The following CXCL13 variants were observed in gnomAD, a reference collection of about 807,000 sequenced individuals.
The protein encoded by CXCL13 is C-X-C motif chemokine ligand 13.
Under a neutral mutation model 12.2 loss-of-function variants are expected in CXCL13, and 7 were observed. That is an observed-to-expected ratio of 0.57 (90% CI 0.33 to 1.07). The LOEUF is 1.07. CXCL13 is among the 50% of genes least tolerant of loss of function. The pLI, the probability that CXCL13 is intolerant of heterozygous loss-of-function variation, is 0.04. For synonymous variants in CXCL13, 47 were observed against 42.4 expected (o/e 1.11, Z -0.42); for missense variants, 113 against 127.4 (o/e 0.89, Z 0.55).
intron 1 of CXCL13, among the ~76,000 whole-genome samples, chr4:77,529,248 A>T (rs1724845989): frequency 1.3e-5 from 2 of 152,068 alleles, no homozygotes; most frequent in African/African-American, 2.4e-5. Context: ...CTTAGGATTG[A>T]CTTGGCAATG....
At chr4:77,522,316 T>A (rs1462297220) in intron 1 of CXCL13, among the ~76,000 whole-genome samples, 4 of 151,972 alleles carry the variant, frequency 2.6e-5, no homozygotes, top group Non-Finnish European at 5.9e-5. Context: ...TTTGTGGGAG[T>A]CTAAGTCTCT....
intron 1 of CXCL13, among the ~76,000 whole-genome samples, chr4:77,519,851 T>G (rs1050616352): frequency 3.3e-5 from 5 of 152,236 alleles, no homozygotes; most frequent in African/African-American, 1.2e-4. Flanking sequence ...ATTTTAGGTC[T>G]AACATTTAAG....
chr4:77,527,902 T>C (rs961228033), intron 1 of CXCL13, among the ~76,000 whole-genome samples: 1 of 152,288 alleles, frequency 6.6e-6, no homozygotes, highest in Non-Finnish European at 1.5e-5. Flanking sequence ...TAACATTAGG[T>C]ATATCTCCTA....
intron 1 of CXCL13, among the ~76,000 whole-genome samples, chr4:77,522,513 G>C (rs1242372194): frequency 4.3e-5 from 1 of 23,376 alleles, no homozygotes; most frequent in Non-Finnish European, 8.0e-5. Context: ...TGCAACCCCT[G>C]CTTTTTTTTT....
At chr4:77,554,414 T>C (rs918754722) in intron 1 of CXCL13, among the ~76,000 whole-genome samples, 2 of 152,166 alleles carry the variant, frequency 1.3e-5, no homozygotes, top group Non-Finnish European at 2.9e-5. Context: ...GAATGCCTCA[T>C]AAATGTGCAT....
In CXCL13 at chr4:77,547,328, G is replaced by A. The variant is rs144258488; in HGVS notation, c.-43+35540G>A. Among the ~76,000 whole-genome samples the A allele has an allele frequency of 5.5e-3, 842 of 152,186 alleles. 2 individuals carry two copies. The highest frequency in any genetic ancestry group is 0.019 in the African/African-American group (797 of 41,522). ...TTGATCTGTCTAATGTTGACAGTGGGGTGTTTACATATCACATTATTATTG... is the reference window on the plus strand; with the variant it reads ...TTGATCTGTCTAATGTTGACAGTGGAGTGTTTACATATCACATTATTATTG... On this transcript the variant is annotated intron_variant, in intron 1 of 4. Transcript: ENST00000286758.
chr4:77,557,667 A>G (rs1500503), intron 1 of CXCL13, among the ~76,000 whole-genome samples: 13,153 of 152,216 alleles, frequency 0.086, 1,703 homozygotes, highest in African/African-American at 0.28. Context: ...TATTGTGTGC[A>G]TTGAGCGGGG....
At chr4:77,573,360 T>C (rs1726132477) in intron 1 of CXCL13, among the ~76,000 whole-genome samples, 1 of 134,528 alleles carries the variant, frequency 7.4e-6, no homozygotes, top group South Asian at 2.5e-4. Flanking sequence ...CTATTGGGTC[T>C]TTTGTGTGTG....
At chr4:77,600,030 G>C (rs1320471193) in intron 1 of CXCL13, among the ~76,000 whole-genome samples, 1 of 152,092 alleles carries the variant, frequency 6.6e-6, no homozygotes, top group Non-Finnish European at 1.5e-5. Flanking sequence ...AAATTTTTGA[G>C]CAACTGGGTG....
intron 1 of CXCL13, among the ~76,000 whole-genome samples, chr4:77,536,979 T>C (rs1430378962): frequency 6.6e-6 from 1 of 152,194 alleles, no homozygotes; most frequent in African/African-American, 2.4e-5. Flanking sequence ...ATTACTTTGG[T>C]CTTCTCTTCC....
rs553575327 is a variant in CXCL13 at position 77,559,890 on chromosome 4, C to G, written c.-42-45934C>G. Reference sequence around the variant, plus strand: ...TGAGCAGAGATGGCACCAATGCACTCCAGCCTGGGTGAGAGAGCGAGACTC... The same window carrying G: ...TGAGCAGAGATGGCACCAATGCACTGCAGCCTGGGTGAGAGAGCGAGACTC... On this transcript the variant is annotated intron_variant, in intron 1 of 4. Transcript: ENST00000286758. Among the ~76,000 whole-genome samples the G allele has an allele frequency of 9.8e-5, 14 of 142,712 alleles. No individual in the cohort carries two copies. The East Asian group carries it at 2.4e-3, about 25-fold the overall frequency. 93.6% of individuals were successfully genotyped at this position (142,712 alleles called of 152,430 possible).
chr4:77,541,237 T>G (rs771806956), intron 1 of CXCL13, among the ~76,000 whole-genome samples: 1 of 152,212 alleles, frequency 6.6e-6, no homozygotes, highest in Non-Finnish European at 1.5e-5. Context: ...TCTTTTGCTG[T>G]GCAGAAGCTC....
intron 1 of CXCL13, among the ~76,000 whole-genome samples, chr4:77,591,519 C>T (rs975552983): frequency 6.9e-6 from 1 of 143,944 alleles, no homozygotes; most frequent in Non-Finnish European, 1.5e-5. Context: ...CCACTGCACT[C>T]CAGTCTGGAT....
At chr4:77,533,211 T>C (rs1443447313) in intron 1 of CXCL13, among the ~76,000 whole-genome samples, 1 of 152,216 alleles carries the variant, frequency 6.6e-6, no homozygotes. Context: ...GATGGGGTTT[T>C]GGTGTGGATG....
At chr4:77,522,271 A>G (rs1024715520) in intron 1 of CXCL13, among the ~76,000 whole-genome samples, 2 of 150,834 alleles carry the variant, frequency 1.3e-5, no homozygotes, top group Non-Finnish European at 1.5e-5. Context: ...TCTGTCTAAT[A>G]TTGACAGTGG....
At chr4:77,607,923 G>A (rs1440271965) in intron 2 of CXCL13, 88 bp downstream of exon 2, 2 of 1,322,582 alleles carry the variant, frequency 1.5e-6, no homozygotes, top group Non-Finnish European at 2.1e-6. Context: ...ACTCAAGAAT[G>A]TCGAAGAGAT....
intron 1 of CXCL13, among the ~76,000 whole-genome samples, chr4:77,598,011 G>A (rs1726802598): frequency 6.6e-6 from 1 of 152,236 alleles, no homozygotes; most frequent in Non-Finnish European, 1.5e-5. Context: ...GGGGAGACAG[G>A]AAGACAAGAA....
At chr4:77,590,584 T>C (rs991563522) in intron 1 of CXCL13, among the ~76,000 whole-genome samples, 1 of 152,234 alleles carries the variant, frequency 6.6e-6, no homozygotes, top group Non-Finnish European at 1.5e-5. Flanking sequence ...ATAAGTCACA[T>C]GGCCATTCCT....
intron 2 of CXCL13, among the ~76,000 whole-genome samples, chr4:77,608,872 A>G (rs1053507887): frequency 1.3e-5 from 2 of 152,184 alleles, no homozygotes; most frequent in African/African-American, 4.8e-5. Context: ...CCTTCTTTTG[A>G]TTCCATTTCC....
Sources: allele counts gnomAD v4.1 joint callset (sites outside exome capture counted in the v4.1 genomes callset), GRCh38; gene constraint gnomAD v4.1.1; transcripts MANE v1.5; gene names NCBI Gene and HGNC (gene_info 2026-07-23, HGNC 2026-07-21).